Variants in NBEAL1 observed in about 807,000 individuals in gnomAD.
NBEAL1 encodes the protein neurobeachin-like protein 1.
Under a neutral mutation model 351.3 loss-of-function variants are expected in NBEAL1, and 273 were observed. That is an observed-to-expected ratio of 0.78 (90% CI 0.70 to 0.86). The LOEUF is 0.86. NBEAL1 is among the 40% of genes least tolerant of loss of function. The probability of loss-of-function intolerance (pLI) is 0.00; values close to 1 mark genes in which losing one functional copy is unlikely to be tolerated. For missense variants in NBEAL1, 2,961 were observed against 3,201.3 expected (o/e 0.92, Z 1.81); for synonymous variants, 1,050 against 1,086.4 (o/e 0.97, Z 0.66).
At chr2:203,216,009 T>A (rs2065889036) in intron 55 of NBEAL1, among the ~76,000 whole-genome samples, 1 of 125,532 alleles carries the variant, frequency 8.0e-6, no homozygotes, top group African/African-American at 3.1e-5. Flanking sequence ...AAACCCTGTC[T>A]AAAAAAAAAA....
At chr2:203,075,782 G>A (rs1436001296) in intron 7 of NBEAL1, among the ~76,000 whole-genome samples, 1 of 152,194 alleles carries the variant, frequency 6.6e-6, no homozygotes, top group Non-Finnish European at 1.5e-5. Context: ...TGTGATCCTT[G>A]TGCTTACTTT....
intron 6 of NBEAL1, among the ~76,000 whole-genome samples, chr2:203,059,735 G>A (rs1373386165): frequency 6.6e-6 from 1 of 152,184 alleles, no homozygotes; most frequent in Non-Finnish European, 1.5e-5. Flanking sequence ...ATACAAAGAG[G>A]GAGCCGGATG....
intron 31 of NBEAL1, among the ~76,000 whole-genome samples, chr2:203,141,366 ATTTT>A (rs71034219): frequency 1.1e-3 from 10 of 9,098 alleles, no homozygotes; most frequent in South Asian, 0.011. Flanking sequence ...TATTATTATT[ATTTT>A]TTTTTTTTTT....
intron 17 of NBEAL1, among the ~76,000 whole-genome samples, chr2:203,114,336 G>A (rs979538131): frequency 5.3e-5 from 8 of 152,092 alleles, no homozygotes; most frequent in Non-Finnish European, 1.2e-4. Flanking sequence ...AAATATAACC[G>A]TATCTCTAGA....
chr2:203,032,048 G>A (rs2060957284), intron 2 of NBEAL1, among the ~76,000 whole-genome samples: 2 of 152,176 alleles, frequency 1.3e-5, no homozygotes, highest in African/African-American at 4.8e-5. Flanking sequence ...TACTCCGGGG[G>A]AATCCAGAAG....
chr2:203,048,557 C>T (rs528907948), intron 3 of NBEAL1, among the ~76,000 whole-genome samples: 2 of 152,158 alleles, frequency 1.3e-5, no homozygotes, highest in South Asian at 2.1e-4. Flanking sequence ...TGCTCATCTG[C>T]GTAGCCCACT....
intron 7 of NBEAL1, 70 bp from the exon 8 acceptor site, chr2:203,077,682 A>G (rs2061800923): frequency 2.2e-6 from 2 of 926,830 alleles, no homozygotes; most frequent in East Asian, 6.4e-5. Context: ...TGCATCAGAC[A>G]TTCCTTAGAG....
chr2:203,187,613 C>T (rs1193744110), intron 44 of NBEAL1, among the ~76,000 whole-genome samples: 2 of 151,462 alleles, frequency 1.3e-5, no homozygotes, highest in Non-Finnish European at 2.9e-5. Flanking sequence ...TGGTGGCAGG[C>T]GCCTGTAATC....
chr2:203,121,946 C>T (rs963776833), intron 18 of NBEAL1, among the ~76,000 whole-genome samples: 44 of 151,806 alleles, frequency 2.9e-4, no homozygotes, highest in African/African-American at 9.9e-4. Context: ...CCACCACACC[C>T]GGCTAGTTTT....
intron 24 of NBEAL1, among the ~76,000 whole-genome samples, chr2:203,129,826 T>G (rs1044323633): frequency 2.0e-5 from 3 of 152,196 alleles, no homozygotes; most frequent in Admixed American, 1.3e-4. Flanking sequence ...AGGATAGATA[T>G]GGTTCCAACA....
chr2:203,199,914 T>C (rs564881333), intron 49 of NBEAL1, among the ~76,000 whole-genome samples: 1 of 152,358 alleles, frequency 6.6e-6, no homozygotes, highest in South Asian at 2.1e-4. Context: ...ATATGAGTTA[T>C]AGAAATACAA....
At chr2:203,063,769 G>A (rs1209423483) in intron 6 of NBEAL1, among the ~76,000 whole-genome samples, 3 of 151,684 alleles carry the variant, frequency 2.0e-5, no homozygotes, top group Admixed American at 1.3e-4. Context: ...TGTCAAACCT[G>A]GAACAATATA....
intron 8 of NBEAL1, among the ~76,000 whole-genome samples, chr2:203,081,856 C>T (rs2061879858): frequency 6.6e-6 from 1 of 152,206 alleles, no homozygotes; most frequent in Non-Finnish European, 1.5e-5. Flanking sequence ...AAGCCCAGAA[C>T]TTTGGGAGAC....
intron 7 of NBEAL1, among the ~76,000 whole-genome samples, chr2:203,072,556 C>T (rs2061700239): frequency 6.6e-6 from 1 of 152,146 alleles, no homozygotes; most frequent in African/African-American, 2.4e-5. Flanking sequence ...TTAAGCTGCT[C>T]CTTCAACACT....
At chr2:203,099,869 G>C (rs892908083) in intron 12 of NBEAL1, among the ~76,000 whole-genome samples, 157 bp downstream of exon 12, 1 of 152,112 alleles carries the variant, frequency 6.6e-6, no homozygotes, top group Non-Finnish European at 1.5e-5. Flanking sequence ...TACCCAATAG[G>C]TAGTTTTTCA....
At chr2:203,213,690 G>C in intron 55 of NBEAL1, 37 bp downstream of exon 55, 1 of 1,611,712 alleles carries the variant, frequency 6.2e-7, no homozygotes, top group Non-Finnish European at 8.5e-7. Flanking sequence ...TTCTCATGCT[G>C]TTGGGGATTA....
rs191177674 is a variant in NBEAL1 at position 203,039,527 on chromosome 2, C to G, written c.52-2238C>G. Among the ~76,000 whole-genome samples, 76 of 138,986 alleles carry G rather than the reference C, an allele frequency of 5.5e-4. 4 individuals carry two copies. The East Asian group carries it at 8.1e-3, about 15-fold the overall frequency. The allele number at this position is 138,986 out of a possible 152,430, so 91.2% of individuals were successfully genotyped here. A position where few individuals can be genotyped will look rare whatever the true frequency, so the allele number is the denominator to read the frequency against. On this transcript the variant is annotated intron_variant, in intron 2 of 55. Transcript: ENST00000683969. ...CAAGCAATTCTCATGCCTCAGCCCC[C>G]CGACTACAGGCTTGTACCACCACAC...
At chr2:203,026,597 C>T (rs1036127170) in intron 2 of NBEAL1, among the ~76,000 whole-genome samples, 3 of 149,950 alleles carry the variant, frequency 2.0e-5, no homozygotes, top group African/African-American at 7.4e-5. Context: ...TCACTGCAAC[C>T]TCCACCTCCC....
intron 33 of NBEAL1, among the ~76,000 whole-genome samples, chr2:203,146,307 C>G (rs1559404201): frequency 6.6e-6 from 1 of 152,070 alleles, no homozygotes; most frequent in Non-Finnish European, 1.5e-5. Flanking sequence ...CAAATTCTAC[C>G]ACACATTTAA....
Sources: gnomAD v4.1 joint callset for allele counts (sites outside exome capture counted in the v4.1 genomes callset) on GRCh38, gnomAD v4.1.1 for gene constraint, MANE v1.5 for transcripts, NCBI Gene and HGNC (gene_info 2026-07-23, HGNC 2026-07-21) for gene names.